The following BMP7 variants were observed in gnomAD, a reference collection of about 807,000 sequenced individuals.
The protein encoded by BMP7 is osteogenic protein 1.
BMP7 carries 12 observed loss-of-function variants against 41.2 expected under a neutral mutation model. The ratio of observed to expected loss-of-function variants is 0.29; its 90% CI spans 0.19 to 0.47. The LOEUF (loss-of-function observed/expected upper bound fraction) is 0.47. BMP7 is among the 20% of genes least tolerant of loss of function. The pLI is 0.99. For missense variants in BMP7, 467 were observed against 606.0 expected (o/e 0.77, Z 2.41); for synonymous variants, 248 against 250.0 (o/e 0.99, Z 0.07).
At chr20:57,194,567 T>C (rs1984449799) in intron 3 of BMP7, among the ~76,000 whole-genome samples, 1 of 152,160 alleles carries the variant, frequency 6.6e-6, no homozygotes, top group African/African-American at 2.4e-5. Context: ...ACCATCAGTG[T>C]CCTCATGAGA....
chr20:57,210,017 G>A (rs1185366406), intron 2 of BMP7, among the ~76,000 whole-genome samples: 1 of 152,156 alleles, frequency 6.6e-6, no homozygotes, highest in African/African-American at 2.4e-5. Context: ...AGGCAGCAGA[G>A]CCAGGGGACA....
chr20:57,200,211 C>T (rs1984589597), intron 3 of BMP7, among the ~76,000 whole-genome samples: 1 of 152,234 alleles, frequency 6.6e-6, no homozygotes, highest in African/African-American at 2.4e-5. Context: ...TAATCCCTCA[C>T]AACCGCCCTT....
In BMP7 at chr20:57,186,122, G is replaced by A. The variant is rs1331566238; in HGVS notation, c.761-2203C>T. Among the ~76,000 whole-genome samples the A allele has an allele frequency of 2.0e-5, 3 of 152,274 alleles. No individual in the cohort carries two copies. The East Asian group carries it at 5.8e-4, about 29-fold the overall frequency. On this transcript the variant is annotated intron_variant, in intron 3 of 6. Transcript: ENST00000395863. ...GCTTGGGTGTCCCCAGTGTAGAGATGGCATTTAAAGCCAGAAGACTGGATG... is the reference window on the plus strand; with the variant it reads ...GCTTGGGTGTCCCCAGTGTAGAGATAGCATTTAAAGCCAGAAGACTGGATG...
intron 4 of BMP7, among the ~76,000 whole-genome samples, chr20:57,179,376 TGGTGCTTA>T (rs1984017864): frequency 6.6e-6 from 1 of 152,228 alleles, no homozygotes; most frequent in Non-Finnish European, 1.5e-5. Context: ...AAGTCAGGAC[TGGTGCTTA>T]GGCTCAGCTC....
At chr20:57,177,395 T>C (rs1184253191) in intron 4 of BMP7, among the ~76,000 whole-genome samples, 4 of 152,148 alleles carry the variant, frequency 2.6e-5, no homozygotes, top group African/African-American at 9.7e-5. Context: ...TTGCCCAGGC[T>C]GGAGTACAGT....
At chr20:57,175,052 A>G in intron 4 of BMP7, 45 bp from the exon 5 acceptor site, 1 of 1,566,250 alleles carries the variant, frequency 6.4e-7, no homozygotes, top group Non-Finnish European at 8.7e-7. Flanking sequence ...GTGAGGAGAA[A>G]GAAACACACA....
At chr20:57,189,027 C>A (rs778898765) in intron 3 of BMP7, among the ~76,000 whole-genome samples, 3 of 152,114 alleles carry the variant, frequency 2.0e-5, no homozygotes, top group Non-Finnish European at 4.4e-5. Flanking sequence ...AGGGTCAAAG[C>A]TCCCCAGAAG....
intron 2 of BMP7, among the ~76,000 whole-genome samples, chr20:57,221,411 A>C (rs1468188529): frequency 3.3e-5 from 5 of 152,208 alleles, no homozygotes. Context: ...GAAAGAAAAA[A>C]GTGTATCCAC....
At chr20:57,187,485 TGAA>T (rs1984239803) in intron 3 of BMP7, among the ~76,000 whole-genome samples, 1 of 151,278 alleles carries the variant, frequency 6.6e-6, no homozygotes, top group East Asian at 1.9e-4. Context: ...GGCCAATAAA[TGAA>T]GGAGAAGTAT....
Position 57,265,931 on chromosome 20 carries a change from C to T in BMP7, c.192G>A (p.Leu64=), listed in dbSNP as rs1377688221. The T allele has an allele frequency of 6.4e-7, 1 of 1,558,972 alleles. No individual in the cohort carries two copies. Among genetic ancestry groups the T allele is most frequent in the African/African-American group, 1.4e-5 (1 of 73,456 alleles). The change falls in exon 1 of 7, where the codon TTG becomes TTA. Residue 64 remains leucine, a synonymous_variant. Coordinates refer to ENST00000395863, the MANE Select transcript of BMP7 (RefSeq NM_001719.3). ...GGAGGTGCGGGCGCGGGCGGTGGGG[C>T]AAGCCCAAAATGGAGAGGATCTCGC... is the stretch of plus-strand genomic sequence containing the variant. ...MQREILSILG[L]PHRPRPHLQG... is the part of the protein sequence containing the mutation.
At chr20:57,219,165 G>GTTTA (rs1439332046) in intron 2 of BMP7, among the ~76,000 whole-genome samples, 1 of 142,370 alleles carries the variant, frequency 7.0e-6, no homozygotes. Context: ...AGTGGTAGCT[G>GTTTA]TTCGGTGGTA....
chr20:57,198,478 C>T (rs1429451728), intron 3 of BMP7, among the ~76,000 whole-genome samples: 1 of 152,174 alleles, frequency 6.6e-6, no homozygotes, highest in African/African-American at 2.4e-5. Context: ...GAGATGAGAC[C>T]AGGCTCCCCG....
At chr20:57,218,634 AGTGGTAGCTGGTGTTTGTTCG>A (rs1568719037) in intron 2 of BMP7, among the ~76,000 whole-genome samples, 1 of 83,848 alleles carries the variant, frequency 1.2e-5, no homozygotes, top group African/African-American at 5.0e-5. Context: ...GTGTTTGTTC[AGTGGTAGCTGGTGTTTGTTCG>A]GTGGTAGCTG....
rs1252000290 is a variant in BMP7, at chr20:57,168,949, G to C, written c.*2010C>G. 1 of 151,768 alleles carries C rather than the reference G, an allele frequency of 6.6e-6. No individual in the cohort carries two copies. The highest frequency in any genetic ancestry group is 1.5e-5 in the Non-Finnish European group (1 of 68,004). 9.4% of individuals were successfully genotyped at this position (151,768 alleles called of 1,614,324 possible). ...TCGTCCTGAACGAGGGATTAAAGGG[G>C]GGGGGGTGTTCAAAAGAGCTTTGGA... On this transcript the variant is annotated 3_prime_UTR_variant, in exon 7 of 7. Transcript: ENST00000395863.
intron 3 of BMP7, among the ~76,000 whole-genome samples, chr20:57,188,044 C>G (rs1468820065): frequency 6.6e-6 from 1 of 152,136 alleles, no homozygotes; most frequent in African/African-American, 2.4e-5. Flanking sequence ...ACTGGCAATT[C>G]CTAAAAAAAG....
In BMP7 at chr20:57,171,746, C is replaced by T. The variant is rs983328992; in HGVS notation, c.1147-638G>A. Among the ~76,000 whole-genome samples, 4 of 152,226 alleles carry T rather than the reference C, an allele frequency of 2.6e-5. No homozygotes were observed. The highest frequency in any genetic ancestry group is 6.5e-5 in the Admixed American group (1 of 15,282). On this transcript the variant is annotated intron_variant, in intron 6 of 6. Coordinates refer to ENST00000395863, the MANE Select transcript of BMP7 (RefSeq NM_001719.3). This position sits in a 1 kb window ranked among gnomAD's most constrained non-coding sequence, Gnocchi z 4.5. ...CGTGAAACTTCTGGGTTTCCAGCAA[C>T]TGTAGGTGCCAGGCAAGAGCATCAG...
intron 1 of BMP7, among the ~76,000 whole-genome samples, chr20:57,260,244 T>C (rs1421050650): frequency 6.6e-6 from 1 of 152,164 alleles, no homozygotes; most frequent in Admixed American, 6.5e-5. Flanking sequence ...GGATTTTAGA[T>C]GATGTAGGTA....
Position 57,214,225 on chromosome 20 carries a change from G to A in BMP7, c.612-11602C>T, listed in dbSNP as rs949709247. 6.6e-6 allele frequency among the ~76,000 whole-genome samples: 1 copy of A among 152,106 alleles called. No homozygotes were observed. The highest frequency in any genetic ancestry group is 2.1e-4 in the South Asian group (1 of 4,816). ...TTCCAGCAAAGTGTCACCCCTGCAC[G>A]GTGATGGTTTGATGGTGGAGGGAGA... On this transcript the variant is annotated intron_variant, in intron 2 of 6. Coordinates refer to ENST00000395863, the MANE Select transcript of BMP7 (RefSeq NM_001719.3). The surrounding 1 kb of genome is among the most constrained non-coding windows in gnomAD (Gnocchi z 4.0).
chr20:57,225,982 C>T (rs774103529), intron 2 of BMP7: 3 of 470,698 alleles, frequency 6.4e-6, no homozygotes, highest in Admixed American at 2.3e-5. Flanking sequence ...GACTCAGTCA[C>T]TCAGCAGCCC....
Sources: gnomAD v4.1 joint callset for allele counts (sites outside exome capture counted in the v4.1 genomes callset) on GRCh38, gnomAD v4.1.1 for gene constraint, Gnocchi (gnomAD v3.1) non-coding constraint, MANE v1.5 for transcripts, NCBI Gene and HGNC (gene_info 2026-07-23, HGNC 2026-07-21) for gene names.